RANBP2: variants seen among roughly 807,000 people sequenced by gnomAD.
RANBP2 encodes RAN binding protein 2.
RANBP2 carries 57 observed loss-of-function variants against 303.6 expected under a neutral mutation model. The observed-to-expected ratio is 0.19, with a 90% CI of 0.15 to 0.23. RANBP2 has a LOEUF of 0.23. RANBP2 is among the 10% of genes least tolerant of loss of function. RANBP2 has a pLI of 1.00. For synonymous variants in RANBP2, 1,167 were observed against 1,301.5 expected (o/e 0.90, Z 2.23); for missense variants, 3,138 against 3,780.8 (o/e 0.83, Z 4.46).
the RANBP2 span, among the ~76,000 whole-genome samples, chr2:109,050,920 T>C: frequency 3.3e-5 from 5 of 152,146 alleles, no homozygotes; most frequent in African/African-American, 1.2e-4. Context: ...ACAGAGGAGA[T>C]GGGCTTAGTT....
chr2:109,436,536 C>T, the RANBP2 span, among the ~76,000 whole-genome samples: 3 of 152,234 alleles, frequency 2.0e-5, no homozygotes, highest in Admixed American at 6.5e-5. Context: ...CAAGGCCTCG[C>T]GGGACATGAC....
At chr2:109,363,753 T>C in the RANBP2 span, among the ~76,000 whole-genome samples, 1 of 149,804 alleles carries the variant, frequency 6.7e-6, no homozygotes, top group African/African-American at 2.4e-5. Context: ...GGTTGGTAGG[T>C]TTTTTCTGTC....
the RANBP2 span, among the ~76,000 whole-genome samples, chr2:109,311,717 G>GT: frequency 6.6e-6 from 1 of 152,148 alleles, no homozygotes; most frequent in African/African-American, 2.4e-5. Flanking sequence ...TGGTGGTTTT[G>GT]TTTTTCCTTG....
At chr2:109,310,038 A>AT in the RANBP2 span, among the ~76,000 whole-genome samples, 1 of 119,344 alleles carries the variant, frequency 8.4e-6, no homozygotes, top group Non-Finnish European at 1.6e-5. Flanking sequence ...CAGAATATAC[A>AT]TTTTTTTCAG....
At position 108,764,060 on chromosome 2, in the gene RANBP2, C is replaced by T; in HGVS notation, c.3521C>T (p.Pro1174Leu). Residue 1174 changes from proline to leucine, a missense_variant, in exon 20 of 29, where the codon CCT (proline) becomes CTT (leucine). Physicochemically the swap from Pro to Leu is moderately conservative, Grantham distance 98. This residue lies in a region of RANBP2 where 403 missense variants were observed against 376.7 expected (regional missense o/e 1.07). Coordinates refer to ENST00000283195, the MANE Select transcript of RANBP2 (RefSeq NM_006267.5). ...GATGATGACGGTCCTCACTTTGAGCCTGTAGTACCTCTTCCTGATAAGATT... is the reference window on the plus strand; with the variant it reads ...GATGATGACGGTCCTCACTTTGAGCTTGTAGTACCTCTTCCTGATAAGATT... Reference protein sequence around the residue: ...DDDDDGPHFEPVVPLPDKIEV... With the variant: ...DDDDDGPHFELVVPLPDKIEV... The T allele has an allele frequency of 6.2e-7, 1 of 1,613,994 alleles. No individual in the cohort carries two copies. The highest frequency in any genetic ancestry group is 8.5e-7 in the Non-Finnish European group (1 of 1,179,964).
the RANBP2 span, among the ~76,000 whole-genome samples, chr2:109,572,466 C>T: frequency 2.0e-5 from 3 of 151,922 alleles, no homozygotes; most frequent in Non-Finnish European, 2.9e-5. Context: ...AAATTGAATC[C>T]AAGTTTGTCC....
the RANBP2 span, among the ~76,000 whole-genome samples, chr2:109,209,977 C>G: frequency 6.6e-6 from 1 of 152,220 alleles, no homozygotes; most frequent in South Asian, 2.1e-4. Flanking sequence ...AACTCCTCCA[C>G]GCTCAGCCCC....
the RANBP2 span, among the ~76,000 whole-genome samples, chr2:109,510,816 GA>G: frequency 6.6e-6 from 1 of 152,234 alleles, no homozygotes; most frequent in Non-Finnish European, 1.5e-5. Context: ...ACAAAAGCAA[GA>G]GAGGCTTTCC....
At chr2:109,606,670 A>C in the RANBP2 span, among the ~76,000 whole-genome samples, 5 of 128,998 alleles carry the variant, frequency 3.9e-5, no homozygotes, top group Non-Finnish European at 8.0e-5. Flanking sequence ...AAAAATTTTA[A>C]GCTTTTTTTT....
chr2:109,682,749 G>C, the RANBP2 span, among the ~76,000 whole-genome samples: 3 of 152,172 alleles, frequency 2.0e-5, no homozygotes, highest in South Asian at 6.2e-4. Flanking sequence ...AGACCAACCC[G>C]GGCAACATGG....
At chr2:108,804,773 G>A in the RANBP2 span, 1 of 975,092 alleles carries the variant, frequency 1.0e-6, no homozygotes, top group Admixed American at 3.1e-5. Context: ...TGCATACACT[G>A]ATTAAAGTTT....
At chr2:109,318,605 G>A in the RANBP2 span, among the ~76,000 whole-genome samples, 1 of 152,216 alleles carries the variant, frequency 6.6e-6, no homozygotes, top group African/African-American at 2.4e-5. Context: ...TGAGGGGATC[G>A]TCTCATGCTC....
At chr2:109,297,642 A>G in the RANBP2 span, among the ~76,000 whole-genome samples, 1 of 105,286 alleles carries the variant, frequency 9.5e-6, no homozygotes, top group East Asian at 2.8e-4. Flanking sequence ...GCCCCATCCC[A>G]CCAGGCCAGT....
At chr2:108,987,046 T>G in the RANBP2 span, among the ~76,000 whole-genome samples, 3 of 152,114 alleles carry the variant, frequency 2.0e-5, no homozygotes. Context: ...CTAGGCAGGC[T>G]AGGAGGAGGG....
the RANBP2 span, among the ~76,000 whole-genome samples, chr2:109,238,013 C>G: frequency 3.3e-5 from 5 of 152,072 alleles, no homozygotes; most frequent in African/African-American, 1.2e-4. Flanking sequence ...CAAAATCAGC[C>G]TGGGAAACAT....
At position 108,737,343 on chromosome 2, in the gene RANBP2, TTTTTTTG is replaced by T. The variant is rs1226957320; in HGVS notation, c.782+1101_782+1107del. ...TTTTTCTTTCTTTCTTTCTTTTTTT[TTTTTTTG>T]TTTTTTTGAGATGGAGTCTTGCTGT... On this transcript the variant is annotated intron_variant, in intron 6 of 28. Transcript: ENST00000283195. 8.7e-3 allele frequency among the ~76,000 whole-genome samples: 1,114 copies of T among 127,646 alleles called. 27 individuals are homozygous for T. Among genetic ancestry groups the T allele is most frequent in the African/African-American group, 0.04 (1,071 of 26,962 alleles). 83.7% of individuals were successfully genotyped at this position (127,646 alleles called of 152,430 possible).
the RANBP2 span, among the ~76,000 whole-genome samples, chr2:109,192,748 C>T: frequency 6.6e-6 from 1 of 152,182 alleles, no homozygotes; most frequent in Non-Finnish European, 1.5e-5. Context: ...CTGGGGCTTC[C>T]AGTGCAGCCA....
At chr2:109,108,945 G>A in the RANBP2 span, among the ~76,000 whole-genome samples, 658 of 152,310 alleles carry the variant, frequency 4.3e-3, 3 homozygotes, top group African/African-American at 0.014. Flanking sequence ...CCTCTGTGTC[G>A]GGATGTGATT....
At chr2:109,614,512 GC>G in the RANBP2 span, 1 of 1,260,170 alleles carries the variant, frequency 7.9e-7, no homozygotes, top group Non-Finnish European at 9.9e-7. Flanking sequence ...GCAGAGTGGG[GC>G]CCCGAGGCGG....
Sources: allele counts gnomAD v4.1 joint callset (sites outside exome capture counted in the v4.1 genomes callset), GRCh38; gene constraint gnomAD v4.1.1; regional missense constraint gnomAD v4.1.1; transcripts MANE v1.5; gene names NCBI Gene and HGNC (gene_info 2026-07-23, HGNC 2026-07-21).